Variants in NFATC2 observed in about 807,000 individuals in gnomAD.
The protein encoded by NFATC2 is nuclear factor of activated T-cells, cytoplasmic 2.
In NFATC2, 22 loss-of-function variants were observed where a neutral mutation model predicts 87.3. The ratio of observed to expected loss-of-function variants is 0.25; its 90% confidence interval spans 0.18 to 0.36. The LOEUF is 0.36. Ranked by LOEUF, NFATC2 falls within the 10% of genes least tolerant of loss-of-function variation. The pLI, the probability that NFATC2 is intolerant of heterozygous loss-of-function variation, is 1.00. For synonymous variants in NFATC2, 565 were observed against 542.2 expected (o/e 1.04, Z -0.58); for missense variants, 1,149 against 1,259.1 (o/e 0.91, Z 1.32).
chr20:51,435,519 A>G (rs927139424), intron 7 of NFATC2, among the ~76,000 whole-genome samples, 187 bp downstream of exon 7: 5 of 152,216 alleles, frequency 3.3e-5, no homozygotes, highest in Non-Finnish European at 7.3e-5. Context: ...AAGGTGTCAC[A>G]GTTGCAAATC....
chr20:51,483,130 G>A (rs73271845), intron 3 of NFATC2, among the ~76,000 whole-genome samples: 11,327 of 151,962 alleles, frequency 0.075, 1,397 homozygotes, highest in African/African-American at 0.26. Flanking sequence ...AGCCAGGTGC[G>A]CATTTAGATG....
intron 5 of NFATC2, among the ~76,000 whole-genome samples, chr20:51,465,669 C>A (rs763363728): frequency 6.6e-6 from 1 of 152,060 alleles, no homozygotes; most frequent in Non-Finnish European, 1.5e-5. Context: ...CTTCCCTGAT[C>A]GGCATGACAG....
intron 5 of NFATC2, among the ~76,000 whole-genome samples, chr20:51,466,289 G>A (rs1987682918): frequency 6.6e-6 from 1 of 152,160 alleles, no homozygotes; most frequent in African/African-American, 2.4e-5. Context: ...CTGACCTCAA[G>A]TGATCTGCCC....
intron 1 of NFATC2, among the ~76,000 whole-genome samples, chr20:51,537,303 G>A (rs6091336): frequency 0.016 from 2,369 of 151,990 alleles, 68 homozygotes; most frequent in African/African-American, 0.052. Flanking sequence ...AGGGGAAAGG[G>A]CTGCCCATGT....
At chr20:51,561,128 T>TA (rs1164257244) in intron 1 of NFATC2, among the ~76,000 whole-genome samples, 1 of 138,884 alleles carries the variant, frequency 7.2e-6, no homozygotes, top group Admixed American at 7.2e-5. Flanking sequence ...ACGATATCAG[T>TA]AAATTTTTTT....
intron 3 of NFATC2, among the ~76,000 whole-genome samples, chr20:51,496,174 C>A (rs930009199): frequency 6.6e-6 from 1 of 152,062 alleles, no homozygotes; most frequent in African/African-American, 2.4e-5. Context: ...AGGATCGAAG[C>A]GCAGCTGTTC....
In NFATC2 at chr20:51,475,562, G is replaced by A. The variant is rs1194519054; in HGVS notation, c.1431C>T (p.His477=). The change falls in exon 4 of 11, where the codon CAC becomes CAT. Residue 477 remains histidine (H), a synonymous_variant. Transcript: ENST00000371564. ...TGGTGACAGTTTTCCCCGTGATTCG[G>A]TGCACCTGGTAGAAGGCGTGCGGCT... ...ILKPHAFYQV[H]RITGKTVTTT... 1.2e-6 allele frequency: 2 copies of A among 1,614,068 alleles called. No individual in the cohort carries two copies. Among genetic ancestry groups the A allele is most frequent in the East Asian group, 2.2e-5 (1 of 44,874 alleles).
intron 5 of NFATC2, among the ~76,000 whole-genome samples, chr20:51,461,636 G>A (rs371131717): frequency 2.0e-5 from 3 of 152,228 alleles, no homozygotes; most frequent in African/African-American, 7.2e-5. Flanking sequence ...AAGGTTCAGC[G>A]AAGAAAACTG....
intron 9 of NFATC2, among the ~76,000 whole-genome samples, chr20:51,400,147 TCCACTGCCAC>T (rs1181018286): frequency 1.3e-5 from 2 of 151,444 alleles, no homozygotes; most frequent in Admixed American, 1.3e-4. Flanking sequence ...ACCAACAACC[TCCACTGCCAC>T]CCCGGCCCTA....
chr20:51,515,645 T>C lies in NFATC2; in HGVS notation c.1332+1139A>G, dbSNP rs375632818. 1.2e-3 allele frequency among the ~76,000 whole-genome samples: 177 copies of C among 147,654 alleles called. 1 individual carries two copies. The highest frequency in any genetic ancestry group is 4.3e-3 in the African/African-American group (169 of 39,738). On this transcript the variant is annotated intron_variant, in intron 3 of 10. Coordinates refer to ENST00000371564, the MANE Select transcript of NFATC2 (RefSeq NM_012340.5). The stretch of plus-strand genomic sequence containing the variant: ...CTCATGGTCAAGAACCAAAACTCAA[T>C]GAATAGAAACAGATTCCAAGATGGC...
chr20:51,423,215 G>C (rs532916960), intron 9 of NFATC2, among the ~76,000 whole-genome samples: 23 of 151,102 alleles, frequency 1.5e-4, no homozygotes, highest in African/African-American at 5.6e-4. Context: ...GCTTGAGCCT[G>C]GGAGGTTAAG....
rs981864914 is a variant in NFATC2, at chr20:51,490,745, G to A, written c.1333-15085C>T. Among the ~76,000 whole-genome samples the A allele has an allele frequency of 5.3e-5, 8 of 152,074 alleles. No individual in the cohort carries two copies. In the East Asian group the frequency reaches 5.8e-4, roughly 11 times the overall value. ...TGAGACAGGAAGGTTATTTGAGCCC[G>A]GGAGTTTGAGACCAGCTTGGGTAAC... On this transcript the variant is annotated intron_variant, in intron 3 of 10. Coordinates refer to ENST00000371564, the MANE Select transcript of NFATC2 (RefSeq NM_012340.5).
In NFATC2 at chr20:51,523,925, C is replaced by T. The variant is rs537364543; in HGVS notation, c.316G>A (p.Ala106Thr). 233 of 1,602,414 alleles carry T rather than the reference C, an allele frequency of 1.5e-4. 3 individuals are homozygous for T. In the South Asian group the frequency reaches 2.4e-3, roughly 17 times the overall value. ...TCGATCCGAGGGCTCAGGCCCGAGGCCCCTGCTGGCTTGGCCGCGCTCAGA... is the reference window on the plus strand; with the variant it reads ...TCGATCCGAGGGCTCAGGCCCGAGGTCCCTGCTGGCTTGGCCGCGCTCAGA... Reference protein sequence around the residue: ...KFLSAAKPAGASGLSPRIEIT... With the variant: ...KFLSAAKPAGTSGLSPRIEIT... Residue 106 changes from alanine to threonine, a missense_variant, in exon 2 of 11, where the codon GCC (alanine) becomes ACC (threonine). By Grantham distance (58) the Ala-to-Thr change is moderately conservative. Around this residue, in one of 3 missense-constraint regions of NFATC2, gnomAD observed 563 missense variants for 585.2 expected, o/e 0.96. Coordinates refer to ENST00000371564, the MANE Select transcript of NFATC2 (RefSeq NM_012340.5). This position sits in a 1 kb window ranked among gnomAD's most constrained non-coding sequence, Gnocchi z 6.9.
At chr20:51,529,559 C>T (rs944248144) in intron 1 of NFATC2, among the ~76,000 whole-genome samples, 3 of 152,172 alleles carry the variant, frequency 2.0e-5, no homozygotes, top group South Asian at 2.1e-4. Context: ...CGCTCACAGG[C>T]GGCTTTCTTA....
At chr20:51,530,884 T>C (rs1206087774) in intron 1 of NFATC2, among the ~76,000 whole-genome samples, 1 of 152,168 alleles carries the variant, frequency 6.6e-6, no homozygotes, top group Non-Finnish European at 1.5e-5. Context: ...TTGAAGTCTA[T>C]CTATGGATTC....
chr20:51,399,526 C>T (rs1467028753), intron 9 of NFATC2, among the ~76,000 whole-genome samples: 3 of 151,776 alleles, frequency 2.0e-5, no homozygotes, highest in African/African-American at 7.2e-5. Context: ...CATAAGCTCC[C>T]TGAAATCTCA....
chr20:51,462,933 C>T (rs1007523033), intron 5 of NFATC2, among the ~76,000 whole-genome samples: 1 of 152,192 alleles, frequency 6.6e-6, no homozygotes, highest in Admixed American at 6.5e-5. Flanking sequence ...TGCAGTGAAA[C>T]GGAGGACTTC....
intron 9 of NFATC2, among the ~76,000 whole-genome samples, chr20:51,417,198 C>T (rs746758510): frequency 1.3e-5 from 2 of 152,136 alleles, no homozygotes; most frequent in African/African-American, 2.4e-5. Flanking sequence ...CTGCCTTCCA[C>T]GGCGCCCAGT....
chr20:51,409,857 C>G (rs1978920659), intron 9 of NFATC2, among the ~76,000 whole-genome samples: 1 of 152,216 alleles, frequency 6.6e-6, no homozygotes, highest in East Asian at 1.9e-4. Context: ...ACTGAAAAGA[C>G]ATTTCAAACA....
Sources: gnomAD v4.1 joint callset for allele counts (sites outside exome capture counted in the v4.1 genomes callset) on GRCh38, gnomAD v4.1.1 for gene constraint, gnomAD v4.1.1 regional missense constraint, Gnocchi (gnomAD v3.1) non-coding constraint, MANE v1.5 for transcripts, NCBI Gene and HGNC (gene_info 2026-07-23, HGNC 2026-07-21) for gene names.